RDX: variants seen among roughly 807,000 people sequenced by gnomAD.
RDX encodes deafness, autosomal recessive 24.
Under a neutral mutation model 83.7 loss-of-function variants are expected in RDX, and 32 were observed. The observed-to-expected ratio is 0.38, with a 90% CI of 0.29 to 0.51. The LOEUF is 0.51. Ranked by LOEUF, RDX falls within the 20% of genes least tolerant of loss-of-function variation. The pLI is 0.87. For missense variants in RDX, 600 were observed against 689.9 expected (o/e 0.87, Z 1.46); for synonymous variants, 229 against 222.7 (o/e 1.03, Z -0.25).
chr11:110,180,905 C>T (rs1329238741), intron 15 of RDX, among the ~76,000 whole-genome samples: 6 of 152,076 alleles, frequency 3.9e-5, no homozygotes. Flanking sequence ...TATATTCCTC[C>T]ACAGCATGAA....
Position 110,233,403 on chromosome 11 carries a change from G to C in RDX, c.1421C>G (p.Pro474Arg). The C allele has an allele frequency of 6.2e-7, 1 of 1,614,128 alleles. No individual in the cohort carries two copies. Among genetic ancestry groups the C allele is most frequent in the South Asian group, 1.1e-5 (1 of 91,082 alleles). The change falls in exon 13 of 14, where the codon CCA becomes CGA. Residue 474 changes from proline (P) to arginine (R), a missense_variant. Transcript: ENST00000645495. ...KTVMSAPPPP[P>R]PPPVIPPTEN... Reference sequence around the variant, plus strand: ...TGTTGGAGGAATGACTGGTGGTGGTGGAGGTGGAGGGGGGGCAGACATCAC... The same window carrying C: ...TGTTGGAGGAATGACTGGTGGTGGTCGAGGTGGAGGGGGGGCAGACATCAC...
intron 1 of RDX, among the ~76,000 whole-genome samples, chr11:110,293,380 T>C (rs571376005): frequency 6.6e-6 from 1 of 152,288 alleles, no homozygotes; most frequent in Non-Finnish European, 1.5e-5. Flanking sequence ...ATATCACTTT[T>C]ATAGTTTTTT....
chr11:110,287,200 T>C (rs986974934), intron 1 of RDX: 6 of 152,246 alleles, frequency 3.9e-5, no homozygotes, highest in African/African-American at 1.2e-4. Flanking sequence ...AAAACCAGTC[T>C]GGGCAATCTA....
chr11:110,207,113 ACAGGTGTG>A (rs1229738132), intron 14 of RDX, among the ~76,000 whole-genome samples: 2 of 152,168 alleles, frequency 1.3e-5, no homozygotes, highest in African/African-American at 4.8e-5. Context: ...AGCCAGGATT[ACAGGTGTG>A]CACTACCATG....
At chr11:110,194,035 C>T (rs563705959) in intron 15 of RDX, among the ~76,000 whole-genome samples, 21 of 152,354 alleles carry the variant, frequency 1.4e-4, no homozygotes, top group African/African-American at 4.3e-4. Context: ...TTGAAGGCAG[C>T]GGCCCACGCT....
chr11:110,291,865 A>G lies in RDX; in HGVS notation c.-65+4602T>C, dbSNP rs1025563266. 7.2e-5 allele frequency among the ~76,000 whole-genome samples: 11 copies of G among 152,312 alleles called. No individual in the cohort carries two copies. The South Asian group carries it at 2.3e-3, about 32-fold the overall frequency. ...AAATTTTGGCCAGGCATGGTGGCTC[A>G]CACCTGTAATCCTCCCAGCACTTCA... On this transcript the variant is annotated intron_variant, in intron 1 of 13. Transcript: ENST00000645495.
intron 1 of RDX, among the ~76,000 whole-genome samples, chr11:110,280,434 G>C (rs1860712090): frequency 6.6e-6 from 1 of 152,052 alleles, no homozygotes; most frequent in Non-Finnish European, 1.5e-5. Context: ...TTTTTTTGTA[G>C]AGGCAGGGTT....
intron 3 of RDX, among the ~76,000 whole-genome samples, chr11:110,267,668 AAAG>A (rs1417710772): frequency 6.6e-6 from 1 of 152,136 alleles, no homozygotes; most frequent in Non-Finnish European, 1.5e-5. Flanking sequence ...TGACAGAAAA[AAAG>A]AAAAAACACT....
At chr11:110,279,124 T>C (rs1860645300) in intron 2 of RDX, among the ~76,000 whole-genome samples, 1 of 152,238 alleles carries the variant, frequency 6.6e-6, no homozygotes. Flanking sequence ...TACCATTTAC[T>C]GGGCACTAAA....
chr11:110,228,197 A>G (rs545353619), downstream of RDX, among the ~76,000 whole-genome samples: 3 of 152,194 alleles, frequency 2.0e-5, no homozygotes, highest in Admixed American at 1.3e-4. Flanking sequence ...TAACATATGG[A>G]ACATGATTGT....
At chr11:110,209,242 A>G (rs1591512825) in intron 14 of RDX, among the ~76,000 whole-genome samples, 1 of 152,098 alleles carries the variant, frequency 6.6e-6, no homozygotes, top group Non-Finnish European at 1.5e-5. Context: ...GCACCTGGAA[A>G]ATCGGGTCAC....
intron 15 of RDX, among the ~76,000 whole-genome samples, chr11:110,189,243 T>TTAAA (rs1491576666): frequency 5.1e-4 from 18 of 35,602 alleles, no homozygotes; most frequent in Middle Eastern, 0.022. Flanking sequence ...GAACAACAGG[T>TTAAA]AAAAAAAAAA....
chr11:110,246,039 A>T (rs1859094143), intron 10 of RDX, among the ~76,000 whole-genome samples: 1 of 152,122 alleles, frequency 6.6e-6, no homozygotes, highest in African/African-American at 2.4e-5. Context: ...CTGATACAAC[A>T]GGCATATGCC....
intron 1 of RDX, among the ~76,000 whole-genome samples, chr11:110,285,512 G>C (rs139183400): frequency 6.6e-6 from 1 of 151,990 alleles, no homozygotes; most frequent in African/African-American, 2.4e-5. Flanking sequence ...TCAGGAGTTC[G>C]AGACCATCCT....
chr11:110,278,564 GA>G (rs1415533077), intron 2 of RDX, among the ~76,000 whole-genome samples: 1 of 151,810 alleles, frequency 6.6e-6, no homozygotes, highest in Non-Finnish European at 1.5e-5. Context: ...AAAGGCCATT[GA>G]TTTTTTTTTA....
intron 1 of RDX, among the ~76,000 whole-genome samples, chr11:110,280,862 T>C (rs1197936276): frequency 3.3e-5 from 5 of 151,968 alleles, no homozygotes; most frequent in African/African-American, 9.7e-5. Context: ...TATTGATTGC[T>C]GTTTAAGATG....
At chr11:110,249,001 G>A (rs1237140724) in intron 9 of RDX, among the ~76,000 whole-genome samples, 1 of 152,166 alleles carries the variant, frequency 6.6e-6, no homozygotes, top group Non-Finnish European at 1.5e-5. Flanking sequence ...AGCTGCACCT[G>A]CCATGGGCCT....
At chr11:110,275,187 T>A (rs150831645) in intron 2 of RDX, among the ~76,000 whole-genome samples, 1 of 152,200 alleles carries the variant, frequency 6.6e-6, no homozygotes, top group African/African-American at 2.4e-5. Flanking sequence ...GGCATGTGCA[T>A]ACAGAATTTT....
intron 10 of RDX, among the ~76,000 whole-genome samples, chr11:110,239,413 G>C (rs532808264): frequency 6.6e-6 from 1 of 152,036 alleles, no homozygotes; most frequent in African/African-American, 2.4e-5. Flanking sequence ...AAGAATAGAA[G>C]AAAGTGTCTA....
Sources: gnomAD v4.1 joint callset for allele counts (sites outside exome capture counted in the v4.1 genomes callset) on GRCh38, gnomAD v4.1.1 for gene constraint, MANE v1.5 for transcripts, NCBI Gene and HGNC (gene_info 2026-07-23, HGNC 2026-07-21) for gene names.